CSMD1: variants seen among roughly 807,000 people sequenced by gnomAD.
The protein encoded by CSMD1 is CUB and sushi domain-containing protein 1.
CSMD1 carries 213 observed loss-of-function variants against 417.5 expected under a neutral mutation model. The ratio of observed to expected loss-of-function variants is 0.51; its 90% CI spans 0.46 to 0.57. The LOEUF is 0.57. CSMD1 is among the 20% of genes least tolerant of loss of function. The pLI, the probability that CSMD1 is intolerant of heterozygous loss-of-function variation, is 0.00. For missense variants in CSMD1, 6,923 were observed against 4,529.7 expected, an observed-to-expected ratio of 1.53 and a Z score of -15.17; for synonymous variants, 2,862 against 1,736.8, an observed-to-expected ratio of 1.65 and a Z score of -16.11.
At chr8:4,759,094 G>C (rs542083356) in intron 1 of CSMD1, among the ~76,000 whole-genome samples, 10 of 152,354 alleles carry the variant, frequency 6.6e-5, no homozygotes, top group African/African-American at 2.4e-4. Flanking sequence ...ATCTGTTAAA[G>C]AGTGAGGGAA....
At chr8:3,836,947 C>G (rs1167975037) in intron 5 of CSMD1, among the ~76,000 whole-genome samples, 1 of 151,104 alleles carries the variant, frequency 6.6e-6, no homozygotes, top group Non-Finnish European at 1.5e-5. Flanking sequence ...CTAAAGTTGG[C>G]AAAAATAAAA....
chr8:4,034,537 G>T (rs1186526318), intron 3 of CSMD1, among the ~76,000 whole-genome samples: 1 of 152,054 alleles, frequency 6.6e-6, no homozygotes, highest in East Asian at 1.9e-4. Context: ...CATTTATAAG[G>T]AAGAAAAACT....
rs1193564251 is a variant in CSMD1, at chr8:4,309,412, G to C, written c.415+110541C>G. Reference sequence around the variant, plus strand: ...AGACCCTCAAAAGCTTTGGAAATTTGAAAGAAATTAAATTCAAAATTTTTA... The same window carrying C: ...AGACCCTCAAAAGCTTTGGAAATTTCAAAGAAATTAAATTCAAAATTTTTA... On this transcript the variant is annotated intron_variant, in intron 3 of 69. Coordinates refer to ENST00000635120, the MANE Select transcript of CSMD1 (RefSeq NM_033225.6). 3.9e-5 allele frequency among the ~76,000 whole-genome samples: 6 copies of C among 152,020 alleles called. No individual in the cohort carries two copies. The South Asian group carries it at 8.3e-4, about 21-fold the overall frequency.
intron 3 of CSMD1, among the ~76,000 whole-genome samples, chr8:4,054,734 T>C (rs191914609): frequency 1.3e-3 from 199 of 152,286 alleles, no homozygotes; most frequent in Non-Finnish European, 2.2e-3. Flanking sequence ...CATTTGGACA[T>C]TTTGTGATGT....
At chr8:3,667,545 G>A (rs577146487) in intron 7 of CSMD1, among the ~76,000 whole-genome samples, 26 of 152,206 alleles carry the variant, frequency 1.7e-4, no homozygotes, top group African/African-American at 4.8e-4. Context: ...CAGGAAGGAC[G>A]TGAGGACTAG....
chr8:4,025,253 C>T (rs930956226), intron 4 of CSMD1, among the ~76,000 whole-genome samples: 6 of 152,162 alleles, frequency 3.9e-5, no homozygotes, highest in Non-Finnish European at 7.3e-5. Flanking sequence ...AAATATTTAC[C>T]TGCTTCCTTT....
At chr8:3,336,452 T>C (rs1807267870) in intron 23 of CSMD1, among the ~76,000 whole-genome samples, 1 of 152,180 alleles carries the variant, frequency 6.6e-6, no homozygotes. Flanking sequence ...TCAAAAGCCA[T>C]TTCATATGTG....
intron 50 of CSMD1, among the ~76,000 whole-genome samples, chr8:3,043,068 A>G (rs993819264): frequency 2.6e-5 from 4 of 151,338 alleles, no homozygotes; most frequent in African/African-American, 9.7e-5. Flanking sequence ...ATATAGTACT[A>G]TAATGCATAT....
chr8:4,733,302 T>C (rs1810020404), intron 1 of CSMD1, among the ~76,000 whole-genome samples: 1 of 152,178 alleles, frequency 6.6e-6, no homozygotes, highest in African/African-American at 2.4e-5. Flanking sequence ...CTAAAAATGT[T>C]GCCCTCAAAG....
chr8:4,017,526 G>C (rs59989369), intron 4 of CSMD1, among the ~76,000 whole-genome samples: 2 of 152,014 alleles, frequency 1.3e-5, no homozygotes, highest in Non-Finnish European at 1.5e-5. Flanking sequence ...GGCTGGTCTC[G>C]AACTCCCGAT....
chr8:4,247,407 C>T (rs947301049), intron 3 of CSMD1, among the ~76,000 whole-genome samples: 1 of 152,188 alleles, frequency 6.6e-6, no homozygotes, highest in Non-Finnish European at 1.5e-5. Flanking sequence ...GCATCTCCAG[C>T]TTGCAGTTCT....
intron 50 of CSMD1, among the ~76,000 whole-genome samples, chr8:3,030,346 G>C (rs1187201840): frequency 2.0e-5 from 3 of 151,922 alleles, no homozygotes; most frequent in Non-Finnish European, 1.5e-5. Flanking sequence ...CGAAGATTTA[G>C]TAGCTATCAT....
At chr8:4,334,503 T>A (rs1024197073) in intron 3 of CSMD1, among the ~76,000 whole-genome samples, 1 of 152,118 alleles carries the variant, frequency 6.6e-6, no homozygotes, top group Non-Finnish European at 1.5e-5. Context: ...GACTTACCAG[T>A]CCCTATAAAT....
intron 37 of CSMD1, among the ~76,000 whole-genome samples, chr8:3,162,602 G>A (rs926538087): frequency 2.6e-5 from 4 of 151,030 alleles, no homozygotes; most frequent in African/African-American, 7.3e-5. Context: ...CAAAAATTGT[G>A]TTTTTATGAT....
In CSMD1 at chr8:4,177,972, T is replaced by C. The variant is rs184273573; in HGVS notation, c.416-145873A>G. On this transcript the variant is annotated intron_variant, in intron 3 of 69. Coordinates refer to ENST00000635120, the MANE Select transcript of CSMD1 (RefSeq NM_033225.6). ...CAACCAAAAAGAGTCCAGGATCATA[T>C]GGACTCACAGCCAAATTCTACCAGA... is the stretch of plus-strand genomic sequence containing the variant. Among the ~76,000 whole-genome samples the C allele has an allele frequency of 7.9e-5, 12 of 152,316 alleles. No homozygotes were observed. The East Asian group carries it at 1.9e-3, about 25-fold the overall frequency.
chr8:4,077,300 T>C (rs1168213500), intron 3 of CSMD1, among the ~76,000 whole-genome samples: 6 of 68,044 alleles, frequency 8.8e-5, no homozygotes, highest in African/African-American at 2.5e-4. Flanking sequence ...TATATGTGTA[T>C]ATATATATAT....
intron 7 of CSMD1, among the ~76,000 whole-genome samples, chr8:3,663,000 T>A (rs970781324): frequency 1.3e-5 from 2 of 151,778 alleles, no homozygotes; most frequent in Non-Finnish European, 1.5e-5. Flanking sequence ...GAACTTAAAG[T>A]AAAATAAATA....
chr8:4,760,639 A>C (rs558898058), intron 1 of CSMD1, among the ~76,000 whole-genome samples: 3 of 152,342 alleles, frequency 2.0e-5, no homozygotes, highest in African/African-American at 4.8e-5. Context: ...TTGTTGTATA[A>C]GTATGCTGGT....
intron 3 of CSMD1, among the ~76,000 whole-genome samples, chr8:4,141,650 A>T (rs942505480): frequency 7.5e-6 from 1 of 132,908 alleles, no homozygotes; most frequent in Non-Finnish European, 1.7e-5. Context: ...AAGTTTTTTA[A>T]ATCTCCAGAT....
Sources: gnomAD v4.1 joint callset for allele counts (sites outside exome capture counted in the v4.1 genomes callset) on GRCh38, gnomAD v4.1.1 for gene constraint, MANE v1.5 for transcripts, NCBI Gene and HGNC (gene_info 2026-07-23, HGNC 2026-07-21) for gene names.